The following FHAD1 variants were observed in gnomAD, a reference collection of about 807,000 sequenced individuals.
FHAD1 encodes forkhead associated phosphopeptide binding domain 1, also known as forkhead-associated domain-containing protein 1.
A neutral mutation model predicts 191.3 loss-of-function variants in FHAD1; 146 were observed. That is an observed-to-expected ratio of 0.76 (90% CI 0.67 to 0.88). FHAD1 has a LOEUF of 0.88. Ranked by LOEUF, FHAD1 falls within the 40% of genes least tolerant of loss-of-function variation. FHAD1 has a pLI of 0.00. For synonymous variants in FHAD1, 616 were observed against 672.3 expected (o/e 0.92, Z 1.29); for missense variants, 1,635 against 1,785.8 (o/e 0.92, Z 1.52).
intron 16 of FHAD1, among the ~76,000 whole-genome samples, chr1:15,343,306 C>A (rs1687524884): frequency 6.6e-6 from 1 of 152,168 alleles, no homozygotes; most frequent in Non-Finnish European, 1.5e-5. Flanking sequence ...CGGTTGCGAG[C>A]CACTGTTGTG....
chr1:15,247,844 A>G (rs568440336), intron 1 of FHAD1, among the ~76,000 whole-genome samples: 1 of 152,306 alleles, frequency 6.6e-6, no homozygotes, highest in Non-Finnish European at 1.5e-5. Context: ...TTGCTTCTCT[A>G]TCTCACTTGT....
Position 15,327,094 on chromosome 1 carries a change from C to A in FHAD1, c.1509C>A (p.Thr503=). ...EHFRSQVIKA[T]YGRAKPFRDK... Reference sequence around the variant, plus strand: ...TCAGAAGTCAAGTCATCAAGGCCACCTATGGACGGGCGAAGCCGTTCCGGG... The same window carrying A: ...TCAGAAGTCAAGTCATCAAGGCCACATATGGACGGGCGAAGCCGTTCCGGG... The change falls in exon 12 of 34, where the codon ACC becomes ACA. Residue 503 remains threonine (T), a synonymous_variant. Coordinates refer to ENST00000688493, the MANE Select transcript of FHAD1 (RefSeq NM_001391957.1). This position sits in a 1 kb window ranked among gnomAD's most constrained non-coding sequence, Gnocchi z 5.1. 1 of 1,551,524 alleles carries A rather than the reference C, an allele frequency of 6.4e-7. No individual in the cohort carries two copies. Among genetic ancestry groups the A allele is most frequent in the Non-Finnish European group, 8.7e-7 (1 of 1,146,948 alleles).
At position 15,315,485 on chromosome 1, in the gene FHAD1, C is replaced by CTT. The variant is rs34261315; in HGVS notation, c.1171-876_1171-875dup. 1.0e-2 allele frequency among the ~76,000 whole-genome samples: 1,206 copies of CTT among 121,106 alleles called. 34 individuals carry two copies. The highest frequency in any genetic ancestry group is 0.014 in the Non-Finnish European group (828 of 60,268). 79.5% of individuals were successfully genotyped at this position (121,106 alleles called of 152,430 possible). A position where few individuals can be genotyped will look rare whatever the true frequency, so the allele number is the denominator to read the frequency against. On this transcript the variant is annotated intron_variant, in intron 8 of 33. Transcript: ENST00000688493. The stretch of plus-strand genomic sequence containing the variant: ...CCGGGTTATCGGACATGGGTGTTTC[C>CTT]TTTTTTTTTTTTTTTTTTGAGATGG...
At chr1:15,328,256 C>G in intron 12 of FHAD1, 21 bp from the exon 13 acceptor site, 7 of 799,334 alleles carry the variant, frequency 8.8e-6, no homozygotes, top group East Asian at 4.5e-5. Flanking sequence ...TTTTTTTTTT[C>G]CTTTTTCTTT....
chr1:15,374,665 C>T (rs964707576), intron 27 of FHAD1, 34 bp downstream of exon 27: 8 of 1,548,770 alleles, frequency 5.2e-6, no homozygotes, highest in Non-Finnish European at 7.0e-6. Context: ...GAGCAGTGGA[C>T]CCCAGACTCC....
chr1:15,291,961 C>T (rs1664917080), intron 4 of FHAD1, among the ~76,000 whole-genome samples: 1 of 152,208 alleles, frequency 6.6e-6, no homozygotes, highest in African/African-American at 2.4e-5. Flanking sequence ...AGCCACATGT[C>T]TCTTAAGATC....
rs114548966 is a variant in FHAD1, at chr1:15,276,294, C to T, written c.300+3765C>T. Among the ~76,000 whole-genome samples, 188 of 152,336 alleles carry T rather than the reference C, an allele frequency of 1.2e-3. 2 individuals are homozygous for T. Among genetic ancestry groups the T allele is most frequent in the African/African-American group, 4.4e-3 (181 of 41,568 alleles). On this transcript the variant is annotated intron_variant, in intron 3 of 33. Transcript: ENST00000688493. The surrounding 1 kb of genome is among the most constrained non-coding windows in gnomAD (Gnocchi z 4.7). ...TGATAGCAGGAAGGTAAGAGGAGCA[C>T]GCTAGCAGCCACCTGCCTCCACTGT...
chr1:15,382,840 C>T (rs1353984823), intron 31 of FHAD1, among the ~76,000 whole-genome samples: 2 of 152,148 alleles, frequency 1.3e-5, no homozygotes, highest in African/African-American at 4.8e-5. Context: ...AGTTTGTCCA[C>T]CAAAGGGATG....
At position 15,308,845 on chromosome 1, in the gene FHAD1, C is replaced by T. The variant is rs965682057; in HGVS notation, c.1039+109C>T. On this transcript the variant is annotated intron_variant, in intron 7 of 33. Coordinates refer to ENST00000688493, the MANE Select transcript of FHAD1 (RefSeq NM_001391957.1). ...TACTTTTTGTTACTGAACTTGGCTG[C>T]AGCCTCAGAGTTCTTCCCAGCAGCC... The T allele has an allele frequency of 3.4e-6, 5 of 1,483,844 alleles. No homozygotes were observed. In the South Asian group the frequency reaches 6.6e-5, roughly 20 times the overall value. The allele number at this position is 1,483,844 out of a possible 1,614,324, so 91.9% of individuals were successfully genotyped here.
At chr1:15,297,558 A>G (rs1667358095) in intron 5 of FHAD1, among the ~76,000 whole-genome samples, 1 of 152,210 alleles carries the variant, frequency 6.6e-6, no homozygotes, top group Non-Finnish European at 1.5e-5. Context: ...TAAGGTGGGA[A>G]GTCAGGTTTG....
At chr1:15,359,744 A>G (rs1694063382) in intron 21 of FHAD1, among the ~76,000 whole-genome samples, 1 of 152,056 alleles carries the variant, frequency 6.6e-6, no homozygotes, top group Non-Finnish European at 1.5e-5. Context: ...AGGTCAAGAG[A>G]TCGAGACCAT....
intron 14 of FHAD1, among the ~76,000 whole-genome samples, chr1:15,333,265 C>T (rs1046992592): frequency 6.6e-6 from 1 of 152,096 alleles, no homozygotes; most frequent in Non-Finnish European, 1.5e-5. Context: ...ATTCTCTACT[C>T]TTGTACCTAA....
At chr1:15,265,687 A>G (rs922583200) in intron 2 of FHAD1, among the ~76,000 whole-genome samples, 16 of 152,164 alleles carry the variant, frequency 1.1e-4, no homozygotes, top group African/African-American at 3.4e-4. Flanking sequence ...TTAAGAGTTC[A>G]TAGGCTGGGT....
intron 11 of FHAD1, chr1:15,326,537 CAGGCACCGTAGT>C (rs2101759792): frequency 6.6e-6 from 1 of 152,456 alleles, no homozygotes; most frequent in East Asian, 1.9e-4. Context: ...TCCTCTACAC[CAGGCACCGTAGT>C]AGGCTCCAGG....
At chr1:15,399,531 A>G (rs1706936083), downstream of FHAD1, among the ~76,000 whole-genome samples, 1 of 152,172 alleles carries the variant, frequency 6.6e-6, no homozygotes, top group Non-Finnish European at 1.5e-5. Context: ...GTACCACTGC[A>G]TTCCAGCCTG....
chr1:15,272,621 T>A, intron 3 of FHAD1, 92 bp downstream of exon 3: 1 of 1,138,492 alleles, frequency 8.8e-7, no homozygotes, highest in Non-Finnish European at 1.3e-6. Context: ...TTATCCACAT[T>A]GGTGCCACTG....
intron 9 of FHAD1, 97 bp from the exon 10 acceptor site, chr1:15,317,727 A>G: frequency 2.7e-6 from 2 of 730,964 alleles, no homozygotes; most frequent in Admixed American, 5.4e-5. Flanking sequence ...ACCTTAATGG[A>G]TGGGATGCCA....
intron 6 of FHAD1, among the ~76,000 whole-genome samples, chr1:15,305,260 G>T (rs538877774): frequency 1.3e-5 from 2 of 152,218 alleles, no homozygotes; most frequent in East Asian, 3.9e-4. Flanking sequence ...CTGAAATTAC[G>T]ACTGTCACCA....
rs957480429 is a variant in FHAD1, at chr1:15,316,290, C to T, written c.1171-88C>T. 1.7e-4 allele frequency: 172 copies of T among 1,023,328 alleles called. No individual in the cohort carries two copies. The highest frequency in any genetic ancestry group is 3.0e-4 in the Middle Eastern group (1 of 3,292). 63.4% of individuals were successfully genotyped at this position (1,023,328 alleles called of 1,614,324 possible). A position where few individuals can be genotyped will look rare whatever the true frequency, so the allele number is the denominator to read the frequency against. ...AAACAGCAGGAAATGCTCTCAGGGG[C>T]TCACATGGGGCCTTGGAGCCCCTCC... On this transcript the variant is annotated intron_variant, in intron 8 of 33. Coordinates refer to ENST00000688493, the MANE Select transcript of FHAD1 (RefSeq NM_001391957.1). The surrounding 1 kb of genome is among the most constrained non-coding windows in gnomAD (Gnocchi z 4.3).
Sources: gnomAD v4.1 joint callset for allele counts (sites outside exome capture counted in the v4.1 genomes callset) on GRCh38, gnomAD v4.1.1 for gene constraint, Gnocchi (gnomAD v3.1) non-coding constraint, MANE v1.5 for transcripts, NCBI Gene and HGNC (gene_info 2026-07-23, HGNC 2026-07-21) for gene names.